Variants in VPS16 observed in about 807,000 individuals in gnomAD.
The protein encoded by VPS16 is VPS16 core subunit of CORVET and HOPS complexes.
VPS16 carries 82 observed loss-of-function variants against 116.0 expected under a neutral mutation model. The observed-to-expected ratio is 0.71, with a 90% CI of 0.59 to 0.85. The LOEUF (loss-of-function observed/expected upper bound fraction) is 0.85. Among genes scored for constraint, VPS16 ranks in the 40% least tolerant of loss-of-function variants. The pLI, the probability that VPS16 is intolerant of heterozygous loss-of-function variation, is 0.00. For synonymous variants in VPS16, 406 were observed against 420.7 expected, an observed-to-expected ratio of 0.96 and a Z score of 0.43; for missense variants, 928 against 1,090.6, an observed-to-expected ratio of 0.85 and a Z score of 2.10.
chr20:2,858,429 A>G (rs890120302), intron 1 of VPS16, among the ~76,000 whole-genome samples: 6 of 152,270 alleles, frequency 3.9e-5, no homozygotes, highest in Admixed American at 2.6e-4. Flanking sequence ...TAAGTAGACA[A>G]TCACATTATT....
At chr20:2,858,749 A>T (rs1182196913) in intron 1 of VPS16, among the ~76,000 whole-genome samples, 1 of 151,718 alleles carries the variant, frequency 6.6e-6, no homozygotes, top group East Asian at 1.9e-4. Flanking sequence ...TGCAGCACAC[A>T]CTCAGTGATC....
intron 1 of VPS16, among the ~76,000 whole-genome samples, chr20:2,858,509 G>C (rs956529732): frequency 7.9e-5 from 12 of 151,450 alleles, no homozygotes; most frequent in African/African-American, 2.2e-4. Context: ...CTTAAATTAT[G>C]TTGGCTAGAA....
intron 1 of VPS16, among the ~76,000 whole-genome samples, chr20:2,851,248 G>T (rs2089117707): frequency 6.6e-6 from 1 of 152,198 alleles, no homozygotes; most frequent in Non-Finnish European, 1.5e-5. Context: ...CTCAGCCTGG[G>T]GTGTTAGGTG....
intron 11 of VPS16, 195 bp from the exon 12 acceptor site, chr20:2,862,383 TA>T: frequency 1.6e-6 from 2 of 1,238,884 alleles, no homozygotes; most frequent in Non-Finnish European, 2.2e-6. Flanking sequence ...AAGGCCCCCC[TA>T]AAGGCAGCTG....
chr20:2,862,324 C>A, intron 11 of VPS16, 194 bp downstream of exon 11: 1 of 966,802 alleles, frequency 1.0e-6, no homozygotes, highest in Non-Finnish European at 1.5e-6. Context: ...ACGGGCAGAG[C>A]ATCCCCACTA....
At position 2,863,293 on chromosome 20, in the gene VPS16, C is replaced by T. The variant is rs768622062; in HGVS notation, c.1371C>T (p.Leu457=). The T allele has an allele frequency of 1.1e-5, 18 of 1,614,030 alleles. No individual in the cohort carries two copies. Among genetic ancestry groups the T allele is most frequent in the African/African-American group, 2.7e-5 (2 of 74,900 alleles). ...QLTIQVLLDR[L]VLRRLYPLAI... ...CTTTACCCACCGGGTCTACCAGGCT[C>T]GTGTTGCGGAGACTTTACCCCCTGG... The change falls in exon 15 of 24, where the codon CTC becomes CTT. Residue 457 remains leucine, a synonymous_variant. Transcript: ENST00000380445. The surrounding 1 kb of genome is among the most constrained non-coding windows in gnomAD (Gnocchi z 4.4).
At chr20:2,849,282 G>A (rs1416678016) in intron 1 of VPS16, among the ~76,000 whole-genome samples, 2 of 151,240 alleles carry the variant, frequency 1.3e-5, no homozygotes, top group Non-Finnish European at 2.9e-5. Context: ...CAGCTATGTG[G>A]CTACAAGGAA....
At position 2,859,788 on chromosome 20, in the gene VPS16, ACCCTATGGGGG is replaced by A. The variant is rs2089207580; in HGVS notation, c.127_137del (p.Tyr43HisfsTer15). The A allele has an allele frequency of 6.2e-7, 1 of 1,612,038 alleles. No homozygotes were observed. Among genetic ancestry groups the A allele is most frequent in the African/African-American group, 1.3e-5 (1 of 74,742 alleles). On this transcript the variant is annotated frameshift_variant, in exon 2 of 24. Coordinates refer to ENST00000380445, the MANE Select transcript of VPS16 (RefSeq NM_022575.4). LOFTEE classifies it high-confidence loss of function. ...TCAGGGATTGCCTGGTGGCTGCTGC[ACCCTATGGGGG>A]CCCCATTGGTATGTTGCCCCTCCAC...
chr20:2,848,395 C>CTGG (rs1568622970), intron 1 of VPS16, among the ~76,000 whole-genome samples: 3 of 152,168 alleles, frequency 2.0e-5, no homozygotes, highest in Non-Finnish European at 4.4e-5. Flanking sequence ...AAGTGTGAGC[C>CTGG]ACCATGCCTG....
At chr20:2,854,960 A>ATTTTTTTTTTTTTTT (rs547295825) in intron 1 of VPS16, among the ~76,000 whole-genome samples, 1 of 110,126 alleles carries the variant, frequency 9.1e-6, no homozygotes. Context: ...ATGAGCAGTA[A>ATTTTTTTTTTTTTTT]TTTTTTTTTT....
chr20:2,866,418 C>T lies in VPS16; in HGVS notation c.2376-12C>T. On this transcript the variant is annotated splice_polypyrimidine_tract_variant and intron_variant, in intron 23 of 23. Transcript: ENST00000380445. ...AGCCCCAACACCACCTCCTCTCTTGCTCAAACCACAGCGATGTGGCTCAGG... is the reference window on the plus strand; with the variant it reads ...AGCCCCAACACCACCTCCTCTCTTGTTCAAACCACAGCGATGTGGCTCAGG... 6.2e-7 allele frequency: 1 copy of T among 1,614,144 alleles called. No homozygotes were observed. Among genetic ancestry groups the T allele is most frequent in the South Asian group, 1.1e-5 (1 of 91,084 alleles).
At chr20:2,843,076 C>T (rs1303621558) in intron 1 of VPS16, among the ~76,000 whole-genome samples, 3 of 152,154 alleles carry the variant, frequency 2.0e-5, no homozygotes, top group African/African-American at 7.2e-5. Flanking sequence ...GGACAAGTGC[C>T]CTGTGGCAGT....
intron 1 of VPS16, among the ~76,000 whole-genome samples, chr20:2,850,595 C>T (rs1318506997): frequency 6.6e-6 from 1 of 152,002 alleles, no homozygotes; most frequent in Non-Finnish European, 1.5e-5. Flanking sequence ...CACTGCACTC[C>T]AGCCTGGCAA....
chr20:2,849,837 T>C (rs1035278871), intron 1 of VPS16, among the ~76,000 whole-genome samples: 8 of 152,214 alleles, frequency 5.3e-5, no homozygotes, highest in Non-Finnish European at 1.2e-4. Flanking sequence ...CACAGTAAAC[T>C]GCAGGCTTGA....
intron 1 of VPS16, among the ~76,000 whole-genome samples, chr20:2,855,669 A>G (rs956174723): frequency 6.6e-6 from 1 of 152,234 alleles, no homozygotes; most frequent in African/African-American, 2.4e-5. Flanking sequence ...GATCTTCTGG[A>G]TAACTTGCTG....
Position 2,864,224 on chromosome 20 carries a change from C to T in VPS16, c.1657C>T (p.Leu553=). ...CTCAGGGGAGCAGGTACCCCTTCTCCTAAAGATGAAGAGGAGCAAACTGGC... is the reference window on the plus strand; with the variant it reads ...CTCAGGGGAGCAGGTACCCCTTCTCTTAAAGATGAAGAGGAGCAAACTGGC... The part of the protein sequence containing the change: ...PRSGEQVPLL[L]KMKRSKLALS... The change falls in exon 17 of 24, where the codon CTA becomes TTA. Residue 553 remains leucine (L), a synonymous_variant. Transcript: ENST00000380445. The surrounding 1 kb of genome is among the most constrained non-coding windows in gnomAD (Gnocchi z 5.2). 6.2e-7 allele frequency: 1 copy of T among 1,614,214 alleles called. No individual in the cohort carries two copies.
chr20:2,842,678 A>AGATAGATACATCCGGATG (rs1352506165), intron 1 of VPS16, among the ~76,000 whole-genome samples: 5 of 141,920 alleles, frequency 3.5e-5, no homozygotes, highest in African/African-American at 1.4e-4. Flanking sequence ...GTATCTATAT[A>AGATAGATACATCCGGATG]TATATAGATA....
chr20:2,842,482 T>A (rs1167414443), intron 1 of VPS16, among the ~76,000 whole-genome samples: 2 of 151,680 alleles, frequency 1.3e-5, no homozygotes, highest in Non-Finnish European at 2.9e-5. Flanking sequence ...TGGCAGGTGC[T>A]TGTAATCCCA....
chr20:2,849,106 A>T (rs901663005), intron 1 of VPS16, among the ~76,000 whole-genome samples: 5 of 152,046 alleles, frequency 3.3e-5, no homozygotes, highest in Admixed American at 2.6e-4. Context: ...GGAGTTCAAG[A>T]TTGTCAGTTT....
Sources: gnomAD v4.1 joint callset for allele counts (sites outside exome capture counted in the v4.1 genomes callset) on GRCh38, gnomAD v4.1.1 for gene constraint, Gnocchi (gnomAD v3.1) non-coding constraint, MANE v1.5 for transcripts, NCBI Gene and HGNC (gene_info 2026-07-23, HGNC 2026-07-21) for gene names.